Variants in AGMO observed in about 807,000 individuals in gnomAD.
AGMO encodes alkylglycerol monooxygenase.
In AGMO, 75 loss-of-function variants were observed where a neutral mutation model predicts 60.2. That is an observed-to-expected ratio of 1.25 (90% CI 1.03 to 1.51). The LOEUF (loss-of-function observed/expected upper bound fraction) is 1.51. AGMO is among the 40% of genes most tolerant of loss of function. The pLI is 0.00. For synonymous variants in AGMO, 261 were observed against 177.1 expected, an observed-to-expected ratio of 1.47 and a Z score of -3.76; for missense variants, 763 against 525.5, an observed-to-expected ratio of 1.45 and a Z score of -4.42.
the AGMO span, among the ~76,000 whole-genome samples, chr7:15,169,532 G>T: frequency 6.6e-6 from 1 of 151,958 alleles, no homozygotes; most frequent in Non-Finnish European, 1.5e-5. Context: ...CACCTCCTGG[G>T]TTCAAGCAAT....
At chr7:15,361,487 C>T (rs1263555288) in intron 12 of AGMO, among the ~76,000 whole-genome samples, 7 of 140,280 alleles carry the variant, frequency 5.0e-5, no homozygotes, top group African/African-American at 1.6e-4. Context: ...TTGCAGTGAG[C>T]CGAGATCGCG....
intron 12 of AGMO, among the ~76,000 whole-genome samples, chr7:15,212,277 CACACACACACA>C (rs1471035531): frequency 2.1e-5 from 3 of 143,052 alleles, no homozygotes; most frequent in African/African-American, 8.0e-5. Context: ...CACACACACA[CACACACACACA>C]AATAGCATGG....
chr7:15,286,924 G>A (rs1014982220), intron 12 of AGMO, among the ~76,000 whole-genome samples: 1 of 152,090 alleles, frequency 6.6e-6, no homozygotes, highest in Non-Finnish European at 1.5e-5. Flanking sequence ...ATCTCAGGCA[G>A]CAACTTGGAT....
At chr7:15,372,251 G>A (rs1194182628) in intron 10 of AGMO, among the ~76,000 whole-genome samples, 1 of 151,970 alleles carries the variant, frequency 6.6e-6, no homozygotes, top group Admixed American at 6.6e-5. Context: ...AGGAGTTCAG[G>A]ACCAGTCTGG....
At chr7:15,393,238 T>C (rs1308306693) in intron 6 of AGMO, among the ~76,000 whole-genome samples, 3 of 152,162 alleles carry the variant, frequency 2.0e-5, no homozygotes, top group African/African-American at 7.2e-5. Flanking sequence ...GCCATAAAGA[T>C]AGGGACCTGC....
At position 15,495,250 on chromosome 7, in the gene AGMO, G is replaced by A. The variant is rs551484054; in HGVS notation, c.409+49522C>T. On this transcript the variant is annotated intron_variant, in intron 3 of 12. Coordinates refer to ENST00000342526, the MANE Select transcript of AGMO (RefSeq NM_001004320.2). ...TCAGAAGGCTTTGGTTGTTCCCAGA[G>A]AGTTGTAAGATTTCCCCTTCTCTTC... Among the ~76,000 whole-genome samples, 8 of 152,266 alleles carry A rather than the reference G, an allele frequency of 5.3e-5. No homozygotes were observed. The South Asian group carries it at 1.5e-3, about 28-fold the overall frequency.
the AGMO span, among the ~76,000 whole-genome samples, chr7:15,149,062 T>C: frequency 6.6e-6 from 1 of 152,228 alleles, no homozygotes; most frequent in Non-Finnish European, 1.5e-5. Context: ...TGCATTTCCC[T>C]AATGATTAGT....
chr7:15,199,973 C>G (rs1781231757), downstream of AGMO, among the ~76,000 whole-genome samples: 1 of 152,084 alleles, frequency 6.6e-6, no homozygotes, highest in African/African-American at 2.4e-5. Flanking sequence ...TCTCTTAATA[C>G]TCTATATTTT....
chr7:15,326,710 T>C (rs2128542417), intron 12 of AGMO, among the ~76,000 whole-genome samples: 1 of 152,314 alleles, frequency 6.6e-6, no homozygotes, highest in South Asian at 2.1e-4. Flanking sequence ...ATGAAATGGA[T>C]ATAAGCTTCA....
At chr7:15,533,548 A>G (rs1784418345) in intron 3 of AGMO, among the ~76,000 whole-genome samples, 1 of 151,288 alleles carries the variant, frequency 6.6e-6, no homozygotes, top group Non-Finnish European at 1.5e-5. Context: ...TTCTCTTCCT[A>G]CTCATTTGGT....
At chr7:15,298,574 G>C (rs1784469340) in intron 12 of AGMO, among the ~76,000 whole-genome samples, 1 of 152,024 alleles carries the variant, frequency 6.6e-6, no homozygotes, top group Non-Finnish European at 1.5e-5. Context: ...GATTATTTGT[G>C]TATTTTTTGA....
At chr7:15,322,640 A>G (rs1469621284) in intron 12 of AGMO, among the ~76,000 whole-genome samples, 3 of 69,544 alleles carry the variant, frequency 4.3e-5, no homozygotes, top group Non-Finnish European at 7.2e-5. Context: ...AAATATATAT[A>G]AATATATAAA....
chr7:15,395,061 T>A (rs186274482), intron 5 of AGMO, among the ~76,000 whole-genome samples: 95 of 152,296 alleles, frequency 6.2e-4, no homozygotes, highest in Non-Finnish European at 1.2e-3. Flanking sequence ...ACTGGACAAT[T>A]TGAGATCTTC....
Position 15,464,614 on chromosome 7 carries a change from T to C in AGMO, c.410-33506A>G, listed in dbSNP as rs143676054. Among the ~76,000 whole-genome samples, 14 of 152,270 alleles carry C rather than the reference T, an allele frequency of 9.2e-5. No homozygotes were observed. In the East Asian group the frequency reaches 2.7e-3, roughly 29 times the overall value. On this transcript the variant is annotated intron_variant, in intron 3 of 12. Transcript: ENST00000342526. ...AATCTAAGAGGAACGTCTTCTAATATGAAAACTTTCAGTGAAATGGGCCTA... is the reference window on the plus strand; with the variant it reads ...AATCTAAGAGGAACGTCTTCTAATACGAAAACTTTCAGTGAAATGGGCCTA...
the AGMO span, among the ~76,000 whole-genome samples, chr7:15,172,396 G>A: frequency 6.6e-6 from 1 of 152,152 alleles, no homozygotes; most frequent in East Asian, 1.9e-4. Flanking sequence ...ATGGTACTTA[G>A]TTACCTCCAG....
chr7:15,404,803 T>C (rs960169045), intron 5 of AGMO, among the ~76,000 whole-genome samples: 8 of 151,862 alleles, frequency 5.3e-5, no homozygotes, highest in Non-Finnish European at 1.0e-4. Flanking sequence ...CAACAAATAT[T>C]ATTGATTGCC....
chr7:15,381,065 C>G (rs1342847262), intron 10 of AGMO, among the ~76,000 whole-genome samples: 1 of 152,100 alleles, frequency 6.6e-6, no homozygotes, highest in Non-Finnish European at 1.5e-5. Flanking sequence ...AAACCTAAAA[C>G]TATAAAAACC....
intron 10 of AGMO, among the ~76,000 whole-genome samples, chr7:15,375,395 T>C (rs1783409279): frequency 1.4e-5 from 1 of 72,030 alleles, no homozygotes. Flanking sequence ...GATTTTTTTT[T>C]TTTTTTTTTT....
At chr7:15,351,551 T>C (rs1311825545) in intron 12 of AGMO, among the ~76,000 whole-genome samples, 2 of 152,182 alleles carry the variant, frequency 1.3e-5, no homozygotes, top group East Asian at 1.9e-4. Flanking sequence ...AAGGATATCA[T>C]GTGCGTATCA....
Sources: allele counts gnomAD v4.1 joint callset (sites outside exome capture counted in the v4.1 genomes callset), GRCh38; gene constraint gnomAD v4.1.1; transcripts MANE v1.5; gene names NCBI Gene and HGNC (gene_info 2026-07-23, HGNC 2026-07-21).